The following TERT variants were observed in gnomAD, a reference collection of about 807,000 sequenced individuals.
The protein encoded by TERT is telomerase catalytic subunit.
Under a neutral mutation model 104.0 loss-of-function variants are expected in TERT, and 42 were observed. The observed-to-expected ratio is 0.40, with a 90% CI of 0.32 to 0.52. TERT has a LOEUF of 0.52. Ranked by LOEUF, TERT falls within the 20% of genes least tolerant of loss-of-function variation. The pLI, the probability that TERT is intolerant of heterozygous loss-of-function variation, is 0.43. For missense variants in TERT, 1,101 were observed against 1,610.3 expected (o/e 0.68, Z 5.41); for synonymous variants, 781 against 725.6 (o/e 1.08, Z -1.23).
rs369807900 is a variant in TERT, at chr5:1,255,284, T to A, written c.3157+3A>T. 6.2e-6 allele frequency: 10 copies of A among 1,613,504 alleles called. No homozygotes were observed. Among genetic ancestry groups the A allele is most frequent in the Non-Finnish European group, 8.5e-6 (10 of 1,179,796 alleles). ...GCCACTGAGGCCAGGCACCTGCACATACCTGCGTTCTTGGCTTTCAGGATG... is the reference window on the plus strand; with the variant it reads ...GCCACTGAGGCCAGGCACCTGCACAAACCTGCGTTCTTGGCTTTCAGGATG... On this transcript the variant is annotated splice_donor_region_variant and intron_variant, in intron 14 of 15. Transcript: ENST00000310581. This position sits in a 1 kb window ranked among gnomAD's most constrained non-coding sequence, Gnocchi z 6.9.
In TERT at chr5:1,270,142, G is replaced by T. The variant is rs1748917274; in HGVS notation, c.2468+977C>A. 6.6e-6 allele frequency among the ~76,000 whole-genome samples: 1 copy of T among 152,194 alleles called. No individual in the cohort carries two copies. The highest frequency in any genetic ancestry group is 1.5e-5 in the Non-Finnish European group (1 of 68,044). ...TCCCTCGGCCAAAATTCACTCTGCT[G>T]CCATGTGCAATTTGTGTTTTTCCAG... On this transcript the variant is annotated intron_variant, in intron 8 of 15. Coordinates refer to ENST00000310581, the MANE Select transcript of TERT (RefSeq NM_198253.3). The surrounding 1 kb of genome is among the most constrained non-coding windows in gnomAD (Gnocchi z 8.3).
chr5:1,273,136 G>A (rs113978079), intron 6 of TERT, among the ~76,000 whole-genome samples: 11 of 6,108 alleles, frequency 1.8e-3, no homozygotes, highest in Admixed American at 3.2e-3. Context: ...CAGACCCCAC[G>A]ACCGCCATCC....
intron 9 of TERT, among the ~76,000 whole-genome samples, chr5:1,267,277 C>A (rs1377753021): frequency 6.6e-6 from 1 of 152,230 alleles, no homozygotes; most frequent in South Asian, 2.1e-4. Context: ...TGCAGGCTTC[C>A]TGACGCATCC....
At position 1,271,356 on chromosome 5, in the gene TERT, G is replaced by A. The variant is rs1356494341; in HGVS notation, c.2383-152C>T. 23 of 711,266 alleles carry A rather than the reference G, an allele frequency of 3.2e-5. 1 individual carries two copies. The highest frequency in any genetic ancestry group is 2.5e-4 in the Middle Eastern group (1 of 4,032). 44.1% of individuals were successfully genotyped at this position (711,266 alleles called of 1,614,324 possible). On this transcript the variant is annotated intron_variant, in intron 7 of 15. Coordinates refer to ENST00000310581, the MANE Select transcript of TERT (RefSeq NM_198253.3). Reference sequence around the variant, plus strand: ...AATGCAGGGCCATCGTGGGCTGGCCGGGCCGAGTCTCTGCAGACACACATG... The same window carrying A: ...AATGCAGGGCCATCGTGGGCTGGCCAGGCCGAGTCTCTGCAGACACACATG...
rs2126640328 is a variant in TERT at position 1,278,745 on chromosome 5, C to T, written c.2182G>A (p.Val728Ile). ...TGGGGTTTGATGATGCTGGCGATGA[C>T]CTCCGTGAGCCTGTCCTGGGGGATG... Reference protein sequence around the residue: ...DTIPQDRLTEVIASIIKPQNT... With the variant: ...DTIPQDRLTEIIASIIKPQNT... The change falls in exon 6 of 16, where the codon GTC becomes ATC. Residue 728 changes from valine to isoleucine, a missense_variant. By Grantham distance (29) the Val-to-Ile change is conservative. Around this residue, in one of 5 missense-constraint regions of TERT, gnomAD observed 463 missense variants for 797.5 expected, o/e 0.58. Coordinates refer to ENST00000310581, the MANE Select transcript of TERT (RefSeq NM_198253.3). 6.2e-6 allele frequency: 10 copies of T among 1,614,188 alleles called. No individual in the cohort carries two copies. The highest frequency in any genetic ancestry group is 8.5e-6 in the Non-Finnish European group (10 of 1,180,054).
intron 2 of TERT, chr5:1,283,038 T>A: frequency 2.9e-6 from 1 of 345,970 alleles, no homozygotes; most frequent in Non-Finnish European, 5.6e-6. Context: ...CCGCAGGGCC[T>A]GGCGACCTCA....
At chr5:1,278,127 A>G (rs961072584) in intron 6 of TERT, among the ~76,000 whole-genome samples, 1 of 152,218 alleles carries the variant, frequency 6.6e-6, no homozygotes, top group Admixed American at 6.5e-5. Context: ...AACCTGGCTT[A>G]CAGTCTCCAA....
rs768646695 is a variant in TERT, at chr5:1,264,514, G to A, written c.2733C>T (p.Asp911=). Residue 911 remains aspartate, a synonymous_variant, in exon 11 of 16, where the codon GAC becomes GAT. Coordinates refer to ENST00000310581, the MANE Select transcript of TERT (RefSeq NM_198253.3). ...CAAAAGCCGTGCCACCCAGGGCCTC[G>A]TCTTCTACAGGGAAGTTCACCACTG... ...RKTVVNFPVE[D]EALGGTAFVQ... The A allele has an allele frequency of 2.9e-5, 46 of 1,613,848 alleles. No homozygotes were observed. The highest frequency in any genetic ancestry group is 8.9e-5 in the East Asian group (4 of 44,902).
chr5:1,292,299 A>C lies in TERT; in HGVS notation c.1573+1014T>G, dbSNP rs1162981500. ...AAGGGGGCTGGAGCGGAGGTTCCTC[A>C]ACATCAAATCCAGAAAAACAGGGTG... On this transcript the variant is annotated intron_variant, in intron 2 of 15. Transcript: ENST00000310581. This position sits in a 1 kb window ranked among gnomAD's most constrained non-coding sequence, Gnocchi z 5.5. Among the ~76,000 whole-genome samples the C allele has an allele frequency of 6.6e-6, 1 of 151,986 alleles. No individual in the cohort carries two copies. The highest frequency in any genetic ancestry group is 1.9e-4 in the East Asian group (1 of 5,178).
chr5:1,254,035 G>T (rs1036517490), intron 15 of TERT, among the ~76,000 whole-genome samples: 1 of 152,202 alleles, frequency 6.6e-6, no homozygotes, highest in South Asian at 2.1e-4. Flanking sequence ...GGCGGGGAGA[G>T]AACTTGCTCA....
rs1750584177 is a variant in TERT, at chr5:1,287,742, C to G, written c.1574-5118G>C. ...TACCAAACGAGAAGAAATGAACAGA[C>G]CCATCCCCCAGGTGAGGGACTATGG... On this transcript the variant is annotated intron_variant, in intron 2 of 15. Transcript: ENST00000310581. The surrounding 1 kb of genome is among the most constrained non-coding windows in gnomAD (Gnocchi z 4.3). Among the ~76,000 whole-genome samples the G allele has an allele frequency of 6.6e-6, 1 of 152,034 alleles. No individual in the cohort carries two copies. The highest frequency in any genetic ancestry group is 1.5e-5 in the Non-Finnish European group (1 of 68,000).
intron 6 of TERT, among the ~76,000 whole-genome samples, chr5:1,275,246 C>T (rs536364428): frequency 3.3e-4 from 50 of 151,928 alleles, no homozygotes; most frequent in African/African-American, 1.2e-3. Context: ...TGGTGGTGGG[C>T]GCCTATAATT....
In TERT at chr5:1,293,694, C is replaced by G. The variant is rs1413910260; in HGVS notation, c.1192G>C (p.Gly398Arg). 1.9e-6 allele frequency: 3 copies of G among 1,574,764 alleles called. No individual in the cohort carries two copies. Among genetic ancestry groups the G allele is most frequent in the East Asian group, 4.6e-5 (2 of 43,380 alleles). The change falls in exon 2 of 16, where the codon GGG (glycine) becomes CGG (arginine). Residue 398 changes from glycine (G) to arginine (R), a missense_variant. Gly to Arg is a moderately radical substitution (Grantham distance 125). Transcript: ENST00000310581. Reference sequence around the variant, plus strand: ...CCGTAGGGGCACTGCGCGTGGTTCCCAAGCAGCTCCAGAAACAGGGGCCGC... The same window carrying G: ...CCGTAGGGGCACTGCGCGTGGTTCCGAAGCAGCTCCAGAAACAGGGGCCGC... ...QMRPLFLELL[G>R]NHAQCPYGVL...
At chr5:1,290,960 G>A (rs71575540) in intron 2 of TERT, among the ~76,000 whole-genome samples, 43 of 53,822 alleles carry the variant, frequency 8.0e-4, no homozygotes, top group African/African-American at 2.0e-3. Context: ...CACGTGACAG[G>A]GACACCCGGG....
At position 1,293,341 on chromosome 5, in the gene TERT, C is replaced by A; in HGVS notation, c.1545G>T (p.Arg515=). 2 of 1,613,260 alleles carry A rather than the reference C, an allele frequency of 1.2e-6. No individual in the cohort carries two copies. Among genetic ancestry groups the A allele is most frequent in the Non-Finnish European group, 1.7e-6 (2 of 1,180,026 alleles). ...GGCTCCTGCGCAGCCAAGCGCAGTCCCGCACGCTCATCTTCCACGTCAGCT... is the reference window on the plus strand; with the variant it reads ...GGCTCCTGCGCAGCCAAGCGCAGTCACGCACGCTCATCTTCCACGTCAGCT... ...LQELTWKMSV[R]DCAWLRRSPG... is the part of the protein sequence containing the mutation. The change falls in exon 2 of 16, where the codon CGG becomes CGT. Residue 515 remains arginine, a synonymous_variant. Transcript: ENST00000310581.
In TERT at chr5:1,293,497, G is replaced by T; in HGVS notation, c.1389C>A (p.Gly463=). 1 of 1,585,746 alleles carries T rather than the reference G, an allele frequency of 6.3e-7. No individual in the cohort carries two copies. The highest frequency in any genetic ancestry group is 8.6e-7 in the Non-Finnish European group (1 of 1,166,810). Residue 463 remains glycine, a synonymous_variant, in exon 2 of 16, where the codon GGC becomes GGA. Transcript: ENST00000310581. ...GCCGGCGCAGGCAGGCCCGCACGAA[G>T]CCGTACACCTGCCAGGGGCTGCTGT... is the stretch of plus-strand genomic sequence containing the variant. ...RQHSSPWQVY[G]FVRACLRRLV...
At chr5:1,285,047 C>T (rs10866498) in intron 2 of TERT, among the ~76,000 whole-genome samples, 29,071 of 71,980 alleles carry the variant, frequency 0.4, 4,732 homozygotes, top group East Asian at 0.57. Context: ...ACCTCCAGCT[C>T]ACCGAGGGCC....
rs1747488016 is a variant in TERT at position 1,253,584 on chromosome 5, G to A, written c.*144C>T. 1 of 709,260 alleles carries A rather than the reference G, an allele frequency of 1.4e-6. No individual in the cohort carries two copies. Among genetic ancestry groups the A allele is most frequent in the African/African-American group, 1.7e-5 (1 of 57,536 alleles). 43.9% of individuals were successfully genotyped at this position (709,260 alleles called of 1,614,324 possible). On this transcript the variant is annotated 3_prime_UTR_variant, in exon 16 of 16. Coordinates refer to ENST00000310581, the MANE Select transcript of TERT (RefSeq NM_198253.3). ...CACTCAGCCTTCAGCCGGACATGCA[G>A]GCCTCGGCCAAACACTCACTCAGGC...
In TERT at chr5:1,269,121, C is replaced by T. The variant is rs547138710; in HGVS notation, c.2469-488G>A. On this transcript the variant is annotated intron_variant, in intron 8 of 15. Coordinates refer to ENST00000310581, the MANE Select transcript of TERT (RefSeq NM_198253.3). This position sits in a 1 kb window ranked among gnomAD's most constrained non-coding sequence, Gnocchi z 9.0. The stretch of plus-strand genomic sequence containing the variant: ...TCTCCAAACAAGGATGCCAAGGGTG[C>T]GTTTTCAGACAAACAGTGAGAGCAG... Among the ~76,000 whole-genome samples, 17 of 152,042 alleles carry T rather than the reference C, an allele frequency of 1.1e-4. No homozygotes were observed. In the South Asian group the frequency reaches 2.3e-3, roughly 21 times the overall value.
Sources: gnomAD v4.1 joint callset for allele counts (sites outside exome capture counted in the v4.1 genomes callset) on GRCh38, gnomAD v4.1.1 for gene constraint, gnomAD v4.1.1 regional missense constraint, Gnocchi (gnomAD v3.1) non-coding constraint, MANE v1.5 for transcripts, NCBI Gene and HGNC (gene_info 2026-07-23, HGNC 2026-07-21) for gene names.